Variants in FAM228B observed in about 807,000 individuals in gnomAD.
FAM228B encodes the protein family with sequence similarity 228 member B.
A neutral mutation model predicts 42.6 loss-of-function variants in FAM228B; 38 were observed. The observed-to-expected ratio is 0.89, with a 90% CI of 0.69 to 1.17. The LOEUF (loss-of-function observed/expected upper bound fraction) is 1.17. Among genes scored for constraint, FAM228B ranks in the 50% most tolerant of loss-of-function variants. FAM228B has a pLI of 0.00. For missense variants in FAM228B, 344 were observed against 367.3 expected (o/e 0.94, Z 0.52); for synonymous variants, 109 against 122.3 (o/e 0.89, Z 0.72).
chr2:24,126,845 C>T (rs1005519528), intron 2 of FAM228B, among the ~76,000 whole-genome samples: 5 of 152,102 alleles, frequency 3.3e-5, no homozygotes, highest in African/African-American at 1.2e-4. Context: ...AGGATGGTCT[C>T]GATCTCCTGA....
At chr2:24,150,198 G>T (rs959124965) in intron 7 of FAM228B, among the ~76,000 whole-genome samples, 1 of 151,992 alleles carries the variant, frequency 6.6e-6, no homozygotes, top group African/African-American at 2.4e-5. Context: ...AGTGAGTTTT[G>T]TATCTTGAGA....
At chr2:24,083,800 C>T (rs1665123995) in intron 2 of FAM228B, among the ~76,000 whole-genome samples, 1 of 152,138 alleles carries the variant, frequency 6.6e-6, no homozygotes, top group South Asian at 2.1e-4. Flanking sequence ...CAGCTTGAAT[C>T]CCAGCTCTTC....
At chr2:24,139,482 A>G (rs1286139504) in intron 5 of FAM228B, 32 bp downstream of exon 5, 3 of 1,370,936 alleles carry the variant, frequency 2.2e-6, no homozygotes, top group African/African-American at 2.9e-5. Context: ...TAACTTTGGT[A>G]TTATGTGTTT....
At chr2:24,143,756 A>G (rs986340799) in intron 5 of FAM228B, among the ~76,000 whole-genome samples, 4 of 152,218 alleles carry the variant, frequency 2.6e-5, no homozygotes, top group Non-Finnish European at 5.9e-5. Context: ...TTAATAAGCA[A>G]TTTAAAATTT....
intron 9 of FAM228B, among the ~76,000 whole-genome samples, chr2:24,166,816 AGT>A (rs1667428134): frequency 6.6e-6 from 1 of 152,048 alleles, no homozygotes; most frequent in Non-Finnish European, 1.5e-5. Context: ...GAACCCAGGG[AGT>A]GAGGCGTGGA....
chr2:24,167,635 C>T lies in FAM228B; in HGVS notation c.941C>T (p.Ser314Phe). 1 of 1,551,596 alleles carries T rather than the reference C, an allele frequency of 6.4e-7. No individual in the cohort carries two copies. The highest frequency in any genetic ancestry group is 1.2e-5 in the South Asian group (1 of 84,044). Residue 314 changes from serine to phenylalanine, a missense_variant, in exon 10 of 11, where the codon TCC (serine) becomes TTC (phenylalanine). Physicochemically the swap from Ser to Phe is radical, Grantham distance 155. Coordinates refer to ENST00000615575, the MANE Select transcript of FAM228B (RefSeq NM_001145710.2). The part of the protein sequence containing the change: ...EREEDQDGSP[S>F]PRLGLLKLEL ...TTCAATCTTCATTTAAGGTCTCCCT[C>T]CCCGCGTTTGGGGCTGCTGAAGCTG...
At chr2:24,120,805 G>A (rs975582701), upstream of FAM228B, among the ~76,000 whole-genome samples, 2 of 152,022 alleles carry the variant, frequency 1.3e-5, no homozygotes, top group African/African-American at 4.8e-5. Flanking sequence ...CCAAAGTGCT[G>A]GGATTACAGG....
intron 2 of FAM228B, among the ~76,000 whole-genome samples, chr2:24,094,957 G>A (rs11896092): frequency 0.28 from 42,746 of 152,006 alleles, 6,490 homozygotes; most frequent in South Asian, 0.39. Flanking sequence ...TTAGCCTGGC[G>A]TGGTGGCACA....
At chr2:24,166,687 A>AGT (rs1667423103) in intron 9 of FAM228B, 4 of 152,114 alleles carry the variant, frequency 2.6e-5, no homozygotes, top group Non-Finnish European at 5.9e-5. Flanking sequence ...GTAATAAGGA[A>AGT]AACAAAGCAG....
At chr2:24,121,401 T>C, upstream of FAM228B, 1 of 1,147,956 alleles carries the variant, frequency 8.7e-7, no homozygotes, top group Non-Finnish European at 1.2e-6. Flanking sequence ...AAGCTAAGAA[T>C]GGTTTTCATG....
At chr2:24,135,373 A>G (rs1414201582) in intron 3 of FAM228B, among the ~76,000 whole-genome samples, 186 bp downstream of exon 3, 1 of 152,182 alleles carries the variant, frequency 6.6e-6, no homozygotes, top group Non-Finnish European at 1.5e-5. Flanking sequence ...CTCCCTTCCT[A>G]TACTTTGTGG....
intron 3 of FAM228B, among the ~76,000 whole-genome samples, chr2:24,118,358 A>T (rs970452004): frequency 1.3e-5 from 2 of 152,218 alleles, no homozygotes; most frequent in Non-Finnish European, 2.9e-5. Context: ...AGTTTCTGTG[A>T]TAAACTTAAT....
At chr2:24,089,117 GA>G (rs1195928810) in intron 2 of FAM228B, among the ~76,000 whole-genome samples, 1 of 152,196 alleles carries the variant, frequency 6.6e-6, no homozygotes, top group African/African-American at 2.4e-5. Flanking sequence ...GGGAGGCTGA[GA>G]GGGGTGGATC....
At chr2:24,152,252 T>C (rs2151026080) in intron 7 of FAM228B, among the ~76,000 whole-genome samples, 1 of 152,366 alleles carries the variant, frequency 6.6e-6, no homozygotes, top group Non-Finnish European at 1.5e-5. Flanking sequence ...ATGAATTTCT[T>C]TGAGTTTCTT....
rs1176726248 is a variant in FAM228B, at chr2:24,080,566, G to T, written c.-289-310G>T. ...GAAGAAAAGGTGCTGGATAATTCCA[G>T]ACCAAGTCTGCATGGTCTAAAGTGT... On this transcript the variant is annotated intron_variant, in intron 1 of 10. Transcript: ENST00000613899. This position sits in a 1 kb window ranked among gnomAD's most constrained non-coding sequence, Gnocchi z 4.7. Among the ~76,000 whole-genome samples the T allele has an allele frequency of 2.0e-5, 3 of 152,186 alleles. No individual in the cohort carries two copies. The highest frequency in any genetic ancestry group is 4.4e-5 in the Non-Finnish European group (3 of 68,030).
Position 24,167,687 on chromosome 2 carries a change from G to A in FAM228B, c.*14+4G>A. The A allele has an allele frequency of 6.4e-7, 1 of 1,551,438 alleles. No homozygotes were observed. Among genetic ancestry groups the A allele is most frequent in the Non-Finnish European group, 8.7e-7 (1 of 1,146,768 alleles). ...AGCTATAAGAAAGAAGAGGGAGGTA[G>A]ATGTCTTCTCTCTTTCCCTTCTTAC... On this transcript the variant is annotated splice_donor_region_variant and intron_variant, in intron 10 of 10. Coordinates refer to ENST00000615575, the MANE Select transcript of FAM228B (RefSeq NM_001145710.2).
chr2:24,105,407 A>G (rs940387982), intron 3 of FAM228B, among the ~76,000 whole-genome samples: 3 of 152,216 alleles, frequency 2.0e-5, no homozygotes, highest in Admixed American at 6.5e-5. Flanking sequence ...TTTGCCCTGT[A>G]GTCAAACCCC....
In FAM228B at chr2:24,084,380, G is replaced by A. The variant is rs36207095; in HGVS notation, c.-210+3425G>A. On this transcript the variant is annotated intron_variant, in intron 2 of 10. Coordinates refer to the FAM228B transcript ENST00000613899. This position sits in a 1 kb window ranked among gnomAD's most constrained non-coding sequence, Gnocchi z 8.4. ...GCAGGACAGGACAGGGCAGGGCAGG[G>A]CAGGACAGGACAGGGCAGGGCAGGA... The A allele has an allele frequency of 0.15, 170,573 of 1,129,882 alleles. 12,241 individuals are homozygous for A. The highest frequency in any genetic ancestry group is 0.19 in the South Asian group (12,418 of 65,250). 70.0% of individuals were successfully genotyped at this position (1,129,882 alleles called of 1,614,324 possible).
upstream of FAM228B, among the ~76,000 whole-genome samples, chr2:24,120,993 T>C (rs937861675): frequency 3.4e-5 from 5 of 148,812 alleles, no homozygotes; most frequent in Non-Finnish European, 7.5e-5. Flanking sequence ...AGGCTCTTGA[T>C]AGGACTTTCT....
Sources: allele counts gnomAD v4.1 joint callset (sites outside exome capture counted in the v4.1 genomes callset), GRCh38; gene constraint gnomAD v4.1.1; non-coding constraint Gnocchi (gnomAD v3.1); transcripts MANE v1.5; gene names NCBI Gene and HGNC (gene_info 2026-07-23, HGNC 2026-07-21).